MALRD1: variants seen among roughly 807,000 people sequenced by gnomAD.
MALRD1 encodes MAM and LDL-receptor class A domain-containing protein 1.
MALRD1 carries 247 observed loss-of-function variants against 242.1 expected under a neutral mutation model. The ratio of observed to expected loss-of-function variants is 1.02; its 90% CI spans 0.92 to 1.13. The LOEUF is 1.13. MALRD1 is among the 50% of genes most tolerant of loss of function. The pLI is 0.00. For synonymous variants in MALRD1, 995 were observed against 866.6 expected, an observed-to-expected ratio of 1.15 and a Z score of -2.60; for missense variants, 2,989 against 2,533.1, an observed-to-expected ratio of 1.18 and a Z score of -3.86.
chr10:19,659,654 CA>C (rs1195984795), intron 36 of MALRD1, among the ~76,000 whole-genome samples: 1 of 152,122 alleles, frequency 6.6e-6, no homozygotes, highest in Non-Finnish European at 1.5e-5. Flanking sequence ...ATGTTCCTTT[CA>C]ACTTTTCAAC....
intron 38 of MALRD1, among the ~76,000 whole-genome samples, chr10:19,700,346 G>A (rs1833569718): frequency 6.6e-6 from 1 of 152,078 alleles, no homozygotes; most frequent in Admixed American, 6.6e-5. Flanking sequence ...CCTGCCATGA[G>A]GAAAGGGTAG....
In MALRD1 at chr10:19,462,453, C is replaced by T. The variant is rs114742852; in HGVS notation, c.5029+11963C>T. Among the ~76,000 whole-genome samples, 436 of 152,332 alleles carry T rather than the reference C, an allele frequency of 2.9e-3. 4 individuals carry two copies. The highest frequency in any genetic ancestry group is 9.7e-3 in the African/African-American group (404 of 41,574). On this transcript the variant is annotated intron_variant, in intron 29 of 39. Coordinates refer to ENST00000454679, the MANE Select transcript of MALRD1 (RefSeq NM_001142308.3). Reference sequence around the variant, plus strand: ...ATCTCCTTCTGCCTCCGGATCAATCCGAGTGTTTGCCTGTGCAGCCTCCCT... The same window carrying T: ...ATCTCCTTCTGCCTCCGGATCAATCTGAGTGTTTGCCTGTGCAGCCTCCCT...
At chr10:19,253,599 G>T (rs2131795166) in intron 18 of MALRD1, among the ~76,000 whole-genome samples, 1 of 152,004 alleles carries the variant, frequency 6.6e-6, no homozygotes, top group South Asian at 2.1e-4. Context: ...ACAGCCACAA[G>T]TATTTTTTAT....
chr10:19,694,658 A>C (rs1414614367), intron 38 of MALRD1, among the ~76,000 whole-genome samples: 1 of 152,244 alleles, frequency 6.6e-6, no homozygotes, highest in Non-Finnish European at 1.5e-5. Context: ...TGTGGAAGAC[A>C]GTGTGGCAAT....
rs1378302797 is a variant in MALRD1 at position 19,352,154 on chromosome 10, A to G, written c.4298A>G (p.Asp1433Gly). ...AGAGAAGAACTGTCACTGTTTGGTG[A>G]TGAAGACTTCCAACTCAAATTTGAA... Reference protein sequence around the residue: ...WRREELSLFGDEDFQLKFEGR... With the variant: ...WRREELSLFGGEDFQLKFEGR... The change falls in exon 26 of 40, where the codon GAT becomes GGT. Residue 1433 changes from aspartate to glycine, a missense_variant. Coordinates refer to ENST00000454679, the MANE Select transcript of MALRD1 (RefSeq NM_001142308.3). The G allele has an allele frequency of 6.4e-7, 1 of 1,550,626 alleles. No individual in the cohort carries two copies.
At chr10:19,270,182 G>A (rs1840147342) in intron 19 of MALRD1, among the ~76,000 whole-genome samples, 1 of 152,122 alleles carries the variant, frequency 6.6e-6, no homozygotes, top group Admixed American at 6.5e-5. Context: ...TGGGCATGGT[G>A]GTAGGTGCCT....
chr10:19,050,872 G>T (rs1834472743), intron 1 of MALRD1, among the ~76,000 whole-genome samples: 1 of 152,216 alleles, frequency 6.6e-6, no homozygotes, highest in Non-Finnish European at 1.5e-5. Flanking sequence ...GCATGGTCCT[G>T]CTTCAGAGAA....
At chr10:19,433,918 CAT>C (rs996790061) in intron 28 of MALRD1, among the ~76,000 whole-genome samples, 1 of 151,844 alleles carries the variant, frequency 6.6e-6, no homozygotes, top group Non-Finnish European at 1.5e-5. Flanking sequence ...ATATTTATAT[CAT>C]ATTTATGTGT....
At chr10:19,254,032 C>A (rs1049391340) in intron 18 of MALRD1, among the ~76,000 whole-genome samples, 3 of 152,014 alleles carry the variant, frequency 2.0e-5, no homozygotes, top group African/African-American at 7.2e-5. Flanking sequence ...ATGTTATCTT[C>A]TCCTTCTGCC....
At chr10:19,724,518 C>T (rs1220825054) in intron 38 of MALRD1, among the ~76,000 whole-genome samples, 1 of 152,164 alleles carries the variant, frequency 6.6e-6, no homozygotes, top group African/African-American at 2.4e-5. Context: ...CTCACTGTCA[C>T]CTTTGTTTCC....
intron 32 of MALRD1, among the ~76,000 whole-genome samples, chr10:19,533,127 C>G (rs1834501782): frequency 6.6e-6 from 1 of 152,178 alleles, no homozygotes; most frequent in Non-Finnish European, 1.5e-5. Flanking sequence ...GTTGCTTCCT[C>G]AATTCAAAAA....
intron 33 of MALRD1, among the ~76,000 whole-genome samples, chr10:19,570,449 G>C (rs567543900): frequency 3.2e-4 from 48 of 152,020 alleles, no homozygotes; most frequent in Admixed American, 9.2e-4. Context: ...CTATAGAGGG[G>C]AATGTCAAAG....
chr10:19,254,882 T>C (rs1839436335), intron 18 of MALRD1, among the ~76,000 whole-genome samples: 1 of 151,992 alleles, frequency 6.6e-6, no homozygotes, highest in South Asian at 2.1e-4. Flanking sequence ...GTTGAATTAA[T>C]TCCATTTCTC....
intron 32 of MALRD1, among the ~76,000 whole-genome samples, chr10:19,549,576 G>A (rs1835390818): frequency 1.3e-5 from 2 of 152,082 alleles, no homozygotes; most frequent in African/African-American, 4.8e-5. Context: ...TTTAAGTTAA[G>A]GTATATACAT....
chr10:19,112,170 A>G (rs1166079516), intron 5 of MALRD1, among the ~76,000 whole-genome samples: 2 of 110,216 alleles, frequency 1.8e-5, no homozygotes, highest in Admixed American at 9.6e-5. Flanking sequence ...TTTTTTTTTT[A>G]TGAAGCCAGT....
chr10:19,709,212 C>T (rs1833998267), intron 38 of MALRD1, among the ~76,000 whole-genome samples: 1 of 143,920 alleles, frequency 6.9e-6, no homozygotes, highest in Non-Finnish European at 1.5e-5. Flanking sequence ...TCAAGACCAG[C>T]TTGGCTAACA....
chr10:19,693,565 G>A (rs1389944458), intron 38 of MALRD1, among the ~76,000 whole-genome samples: 3 of 152,104 alleles, frequency 2.0e-5, no homozygotes, highest in South Asian at 2.1e-4. Context: ...ACTGCTCAAG[G>A]AAATAAAAGA....
chr10:19,179,055 G>A (rs917536423), intron 14 of MALRD1, among the ~76,000 whole-genome samples: 7 of 152,136 alleles, frequency 4.6e-5, no homozygotes, highest in African/African-American at 1.7e-4. Flanking sequence ...CCCTGTTGGA[G>A]AATAATATTT....
intron 14 of MALRD1, among the ~76,000 whole-genome samples, chr10:19,180,490 A>G (rs1835458925): frequency 6.6e-6 from 1 of 152,250 alleles, no homozygotes; most frequent in East Asian, 1.9e-4. Flanking sequence ...TCGTCAGTAA[A>G]TGGTGCCGGA....
Sources: gnomAD v4.1 joint callset for allele counts (sites outside exome capture counted in the v4.1 genomes callset) on GRCh38, gnomAD v4.1.1 for gene constraint, MANE v1.5 for transcripts, NCBI Gene and HGNC (gene_info 2026-07-23, HGNC 2026-07-21) for gene names.